The following GAB2 variants were observed in gnomAD, a reference collection of about 807,000 sequenced individuals.
GAB2 encodes GRB2-associated-binding protein 2.
In GAB2, 26 loss-of-function variants were observed where a neutral mutation model predicts 65.5. That is an observed-to-expected ratio of 0.40 (90% CI 0.29 to 0.55). The LOEUF (loss-of-function observed/expected upper bound fraction) is 0.55. Among genes scored for constraint, GAB2 ranks in the 20% least tolerant of loss-of-function variants. The pLI, the probability that GAB2 is intolerant of heterozygous loss-of-function variation, is 0.53. For missense variants in GAB2, 884 were observed against 875.8 expected, an observed-to-expected ratio of 1.01 and a Z score of -0.12; for synonymous variants, 321 against 329.6, an observed-to-expected ratio of 0.97 and a Z score of 0.28.
chr11:78,297,326 G>GA (rs1168305367), intron 1 of GAB2, among the ~76,000 whole-genome samples: 3 of 151,832 alleles, frequency 2.0e-5, no homozygotes, highest in Non-Finnish European at 4.4e-5. Context: ...AATTCCTCCA[G>GA]AAAATAACAT....
chr11:78,252,443 C>T (rs1865481312), intron 2 of GAB2, among the ~76,000 whole-genome samples: 1 of 152,142 alleles, frequency 6.6e-6, no homozygotes. Context: ...GACAGAGTAG[C>T]CACAGGGCCA....
chr11:78,417,717 T>C lies in GAB2; in HGVS notation c.4A>G (p.Ser2Gly), dbSNP rs1410919622. Residue 2 changes from serine to glycine, a missense_variant, in exon 1 of 10, where the codon AGC becomes GGC. Transcript: ENST00000361507. ...GTGCACACCACGTCGCCGCCGCCGC[T>C]CATGCTGCCGGCCTGGAGCCCCCCG... The part of the protein sequence containing the change: M[S>G]GGGDVVCTGW... 1 of 1,332,308 alleles carries C rather than the reference T, an allele frequency of 7.5e-7. No homozygotes were observed. Among genetic ancestry groups the C allele is most frequent in the Non-Finnish European group, 9.9e-7 (1 of 1,015,104 alleles). 82.5% of individuals were successfully genotyped at this position (1,332,308 alleles called of 1,614,324 possible). A position where few individuals can be genotyped will look rare whatever the true frequency, so the allele number is the denominator to read the frequency against.
chr11:78,407,675 A>AAGAAAGAAATGGC (rs1857068645), intron 1 of GAB2, among the ~76,000 whole-genome samples: 3 of 147,608 alleles, frequency 2.0e-5, no homozygotes, highest in African/African-American at 7.9e-5. Flanking sequence ...GAAAGAAAGA[A>AAGAAAGAAATGGC]AGAAAGAAAG....
chr11:78,222,665 C>T (rs1489408373), intron 6 of GAB2, among the ~76,000 whole-genome samples: 1 of 152,018 alleles, frequency 6.6e-6, no homozygotes, highest in African/African-American at 2.4e-5. Context: ...TCACTGCAAC[C>T]TCTGCCTCCT....
At chr11:78,405,445 T>G (rs1336877455) in intron 1 of GAB2, among the ~76,000 whole-genome samples, 1 of 152,196 alleles carries the variant, frequency 6.6e-6, no homozygotes, top group Non-Finnish European at 1.5e-5. Flanking sequence ...GTCCTGGGTC[T>G]GCTACTTACT....
chr11:78,394,659 G>C (rs1363189464), intron 1 of GAB2, among the ~76,000 whole-genome samples: 1 of 151,714 alleles, frequency 6.6e-6, no homozygotes, highest in Non-Finnish European at 1.5e-5. Context: ...AGAAGGAGCA[G>C]CACTGCTGTT....
intron 1 of GAB2, among the ~76,000 whole-genome samples, chr11:78,361,762 G>C (rs960331150): frequency 6.6e-6 from 1 of 152,166 alleles, no homozygotes. Context: ...AGGCAGGAGT[G>C]TAAATAGTTA....
At position 78,280,906 on chromosome 11, in the gene GAB2, A is replaced by T; in HGVS notation, c.76-5T>A. ...AAACCAGCGTTTCTTCCAGGCCTAA[A>T]TCATATCAGGAAGGAGTAAGAAGAG... is the stretch of plus-strand genomic sequence containing the variant. On this transcript the variant is annotated splice_region_variant and splice_polypyrimidine_tract_variant and intron_variant, in intron 1 of 9. Transcript: ENST00000361507. 3.1e-6 allele frequency: 5 copies of T among 1,611,372 alleles called. No individual in the cohort carries two copies. The highest frequency in any genetic ancestry group is 4.2e-6 in the Non-Finnish European group (5 of 1,177,742).
intron 1 of GAB2, among the ~76,000 whole-genome samples, chr11:78,415,776 T>C (rs1857187211): frequency 6.6e-6 from 1 of 152,174 alleles, no homozygotes; most frequent in Non-Finnish European, 1.5e-5. Context: ...CTAAAGTTGT[T>C]TGGGAACAAA....
At chr11:78,323,790 CTTTTTT>C (rs749282969) in intron 1 of GAB2, among the ~76,000 whole-genome samples, 790 of 77,252 alleles carry the variant, frequency 0.01, 10 homozygotes, top group African/African-American at 0.037. Context: ...CTGAATCTTT[CTTTTTT>C]TTTTTTTTTT....
intron 5 of GAB2, among the ~76,000 whole-genome samples, chr11:78,224,053 G>A (rs1200031672): frequency 6.6e-6 from 1 of 152,170 alleles, no homozygotes; most frequent in Non-Finnish European, 1.5e-5. Context: ...CTGCACTCCA[G>A]CCTGGGTGAC....
intron 1 of GAB2, among the ~76,000 whole-genome samples, chr11:78,314,625 T>G (rs978226674): frequency 6.6e-6 from 1 of 152,242 alleles, no homozygotes; most frequent in Non-Finnish European, 1.5e-5. Context: ...TACAGAATAT[T>G]AAAGTGTCAA....
chr11:78,342,857 C>G lies in GAB2; in HGVS notation c.76-61956G>C, dbSNP rs148331820. The stretch of plus-strand genomic sequence containing the variant: ...TTAGTACAAGTAGGAGGCTCTTAAG[C>G]ACTTGCTGAAATAATAAAATACTAC... On this transcript the variant is annotated intron_variant, in intron 1 of 9. Coordinates refer to ENST00000361507, the MANE Select transcript of GAB2 (RefSeq NM_080491.3). 4.6e-3 allele frequency among the ~76,000 whole-genome samples: 695 copies of G among 152,254 alleles called. 4 individuals carry two copies. Among genetic ancestry groups the G allele is most frequent in the African/African-American group, 0.016 (672 of 41,546 alleles).
At chr11:78,261,220 C>T (rs1215815700) in intron 2 of GAB2, among the ~76,000 whole-genome samples, 1 of 151,984 alleles carries the variant, frequency 6.6e-6, no homozygotes, top group Non-Finnish European at 1.5e-5. Flanking sequence ...CCCAGGAGGT[C>T]GAGGTTGCAG....
chr11:78,359,358 G>T (rs1856403188), intron 1 of GAB2, among the ~76,000 whole-genome samples: 1 of 152,136 alleles, frequency 6.6e-6, no homozygotes, highest in Non-Finnish European at 1.5e-5. Flanking sequence ...ACCTGCAGAA[G>T]AATGGCAATT....
intron 1 of GAB2, among the ~76,000 whole-genome samples, chr11:78,285,554 C>T (rs557014139): frequency 2.1e-4 from 32 of 152,332 alleles, no homozygotes; most frequent in African/African-American, 7.7e-4. Flanking sequence ...CAACTTCCAC[C>T]TCCCAGGTTC....
chr11:78,228,849 G>A (rs891413776), intron 3 of GAB2, among the ~76,000 whole-genome samples: 1 of 152,170 alleles, frequency 6.6e-6, no homozygotes, highest in East Asian at 1.9e-4. Flanking sequence ...CGGGGGGAGC[G>A]AATGGTAGAC....
chr11:78,400,059 T>C (rs1017436002), intron 1 of GAB2, among the ~76,000 whole-genome samples: 1 of 152,202 alleles, frequency 6.6e-6, no homozygotes, highest in East Asian at 1.9e-4. Context: ...TATCAGTAAA[T>C]GTCATCCTAC....
chr11:78,321,959 TCCTA>T (rs1241154760), intron 1 of GAB2, among the ~76,000 whole-genome samples: 2 of 151,506 alleles, frequency 1.3e-5, no homozygotes, highest in African/African-American at 2.4e-5. Flanking sequence ...CAAACTGGAC[TCCTA>T]CCTATCATGA....
Sources: gnomAD v4.1 joint callset for allele counts (sites outside exome capture counted in the v4.1 genomes callset) on GRCh38, gnomAD v4.1.1 for gene constraint, MANE v1.5 for transcripts, NCBI Gene and HGNC (gene_info 2026-07-23, HGNC 2026-07-21) for gene names.